The following OTUD7B variants were observed in gnomAD, a reference collection of about 807,000 sequenced individuals.
OTUD7B encodes OTU deubiquitinase 7B.
In OTUD7B, 34 loss-of-function variants were observed where a neutral mutation model predicts 82.2. That is an observed-to-expected ratio of 0.41 (90% CI 0.31 to 0.55). The LOEUF is 0.55. Ranked by LOEUF, OTUD7B falls within the 20% of genes least tolerant of loss-of-function variation. OTUD7B has a pLI of 0.20. For missense variants in OTUD7B, 944 were observed against 1,062.1 expected, an observed-to-expected ratio of 0.89 and a Z score of 1.55; for synonymous variants, 398 against 402.7, an observed-to-expected ratio of 0.99 and a Z score of 0.14.
At chr1:149,981,805 G>A (rs991369444) in intron 1 of OTUD7B, among the ~76,000 whole-genome samples, 23 of 152,236 alleles carry the variant, frequency 1.5e-4, no homozygotes, top group African/African-American at 5.1e-4. Context: ...AAGTAATGAC[G>A]CAGTCAAGAA....
chr1:150,038,979 CACT>C, the OTUD7B span, among the ~76,000 whole-genome samples: 1 of 152,030 alleles, frequency 6.6e-6, no homozygotes, highest in African/African-American at 2.4e-5. Context: ...ATTTCTTCCC[CACT>C]GATTTGAAAT....
In OTUD7B at chr1:149,944,080, C is replaced by T. The variant is rs1647474341; in HGVS notation, c.2309G>A (p.Arg770Gln). The T allele has an allele frequency of 1.2e-6, 2 of 1,614,004 alleles. No homozygotes were observed. The highest frequency in any genetic ancestry group is 1.3e-5 in the African/African-American group (1 of 74,916). The change falls in exon 12 of 12, where the codon CGA becomes CAA. Residue 770 changes from arginine (R) to glutamine (Q), a missense_variant. By Grantham distance (43) the Arg-to-Gln change is conservative. Around this residue, in one of 3 missense-constraint regions of OTUD7B, gnomAD observed 412 missense variants for 418.7 expected, o/e 0.98. Coordinates refer to ENST00000581312, the MANE Select transcript of OTUD7B (RefSeq NM_020205.4). The stretch of plus-strand genomic sequence containing the variant: ...GCCATTGCTATAGGAATCAGCCACT[C>T]GGTAGGGGGGTGGTAACAAGGCACC... ...HRGALLPPPY[R>Q]VADSYSNGYR...
Position 149,944,223 on chromosome 1 carries a change from C to T in OTUD7B, c.2166G>A (p.Gly722=). ...GGAAGGTGGCATATGGTGGTAGGCC[C>T]CCGACACATGGACCCCCTGCCAACT... ...RRQLAGGPCV[G]GLPPYATFPR... is the part of the protein sequence containing the mutation. The change falls in exon 12 of 12, where the codon GGG becomes GGA. Residue 722 remains glycine (G), a synonymous_variant. Transcript: ENST00000581312. 1 of 1,613,134 alleles carries T rather than the reference C, an allele frequency of 6.2e-7. No homozygotes were observed. The highest frequency in any genetic ancestry group is 2.2e-5 in the East Asian group (1 of 44,878).
intron 1 of OTUD7B, among the ~76,000 whole-genome samples, chr1:149,978,335 T>C (rs1559850958): frequency 6.6e-6 from 1 of 152,062 alleles, no homozygotes; most frequent in Admixed American, 6.6e-5. Context: ...GGCGAAACCC[T>C]GTTTCTACTA....
Position 149,996,551 on chromosome 1 carries a change from G to A in OTUD7B, c.-67+13897C>T, listed in dbSNP as rs1651938600. Among the ~76,000 whole-genome samples the A allele has an allele frequency of 2.0e-5, 3 of 152,104 alleles. No individual in the cohort carries two copies. In the South Asian group the frequency reaches 6.2e-4, roughly 32 times the overall value. ...TTACTTTCTTGATTTGTGACCTTGG[G>A]TAAATTATTTAACGTCTCTATTGCT... On this transcript the variant is annotated intron_variant, in intron 1 of 11. Transcript: ENST00000581312.
the OTUD7B span, among the ~76,000 whole-genome samples, chr1:150,041,047 G>C: frequency 6.6e-6 from 1 of 151,320 alleles, no homozygotes; most frequent in Non-Finnish European, 1.5e-5. Flanking sequence ...TTGTTTCATC[G>C]TAGTTAAAAA....
intron 11 of OTUD7B, among the ~76,000 whole-genome samples, chr1:149,946,122 T>A (rs1022688250): frequency 4.6e-5 from 7 of 151,108 alleles, no homozygotes; most frequent in Non-Finnish European, 4.4e-5. Context: ...CTCACGCCTG[T>A]AATCCCAGCA....
intron 1 of OTUD7B, among the ~76,000 whole-genome samples, chr1:150,003,208 C>G (rs1445735775): frequency 6.6e-5 from 10 of 150,480 alleles, no homozygotes; most frequent in Non-Finnish European, 1.5e-4. Context: ...TGAGATTGTG[C>G]CACTGCACTC....
intron 3 of OTUD7B, 53 bp downstream of exon 3, chr1:149,971,010 C>A: frequency 7.1e-7 from 1 of 1,410,514 alleles, no homozygotes; most frequent in Non-Finnish European, 9.6e-7. Context: ...CTCCATTTAA[C>A]AATCCCCTCC....
At chr1:149,947,399 G>T (rs1288328628) in intron 10 of OTUD7B, 64 bp from the exon 11 acceptor site, 2 of 989,374 alleles carry the variant, frequency 2.0e-6, no homozygotes, top group East Asian at 2.5e-5. Context: ...TGATATAGTT[G>T]GGAGAAAGGG....
rs782711169 is a variant in OTUD7B, at chr1:149,967,284, A to G, written c.502+10T>C. ...GAGGGAAGAGTGTGGGAGAGGAAGC[A>G]CTCACTGACCTGCCTGTTCCAAGGC... On this transcript the variant is annotated intron_variant, in intron 4 of 11. Transcript: ENST00000581312. The G allele has an allele frequency of 1.9e-6, 3 of 1,593,474 alleles. No individual in the cohort carries two copies. The African/African-American group carries it at 4.0e-5, about 21-fold the overall frequency.
chr1:149,990,521 T>C (rs1378217097), intron 1 of OTUD7B, among the ~76,000 whole-genome samples: 7 of 152,234 alleles, frequency 4.6e-5, no homozygotes, highest in African/African-American at 1.7e-4. Context: ...AATAGGTCTA[T>C]ATGAATAAAT....
chr1:149,990,990 G>GC (rs1553781980), intron 1 of OTUD7B, among the ~76,000 whole-genome samples: 2 of 5,946 alleles, frequency 3.4e-4, no homozygotes, highest in Admixed American at 3.1e-3. Context: ...AAACTCCGTC[G>GC]CAAAAAAAAA....
the OTUD7B span, among the ~76,000 whole-genome samples, chr1:150,062,570 T>C: frequency 6.6e-6 from 1 of 152,212 alleles, no homozygotes; most frequent in East Asian, 1.9e-4. Context: ...TTCTATTTTA[T>C]ATATCAGAGC....
chr1:149,987,989 C>G (rs763354064), intron 1 of OTUD7B, among the ~76,000 whole-genome samples: 5 of 152,148 alleles, frequency 3.3e-5, no homozygotes, highest in African/African-American at 4.8e-5. Flanking sequence ...CTACCTCCCC[C>G]ACCTGTACCT....
At position 149,964,044 on chromosome 1, in the gene OTUD7B, AC is replaced by A. The variant is rs1649344975; in HGVS notation, c.732+177del. On this transcript the variant is annotated intron_variant, in intron 6 of 11. Coordinates refer to ENST00000581312, the MANE Select transcript of OTUD7B (RefSeq NM_020205.4). ...CTCATGCCCACCACCAGTTCTCATG[AC>A]CACATCAGAAGGCATTTACCCCATT... 3.1e-6 allele frequency: 2 copies of A among 637,056 alleles called. 1 individual carries two copies. The highest frequency in any genetic ancestry group is 8.9e-4 in the Middle Eastern group (2 of 2,242). The allele number at this position is 637,056 out of a possible 1,614,324, so 39.5% of individuals were successfully genotyped here.
chr1:149,977,500 T>C lies in OTUD7B; in HGVS notation c.11A>G (p.Asp4Gly), dbSNP rs1181799229. The change falls in exon 2 of 12, where the codon GAC (aspartate) becomes GGC (glycine). Residue 4 changes from aspartate (D) to glycine (G), a missense_variant. By Grantham distance (94) the Asp-to-Gly change is moderately conservative. This residue lies in a region of OTUD7B where 530 missense variants were observed against 625.6 expected (regional missense o/e 0.85). Transcript: ENST00000581312. Reference protein sequence around the residue: MTLDMDAVLSDFVR... With the variant: MTLGMDAVLSDFVR... ...AAAATCTGACAGAACAGCATCCATG[T>C]CCAGGGTCATGTGATCCTCAAGTAC... 6.2e-7 allele frequency: 1 copy of C among 1,613,904 alleles called. No homozygotes were observed. Among genetic ancestry groups the C allele is most frequent in the Non-Finnish European group, 8.5e-7 (1 of 1,179,886 alleles).
At chr1:150,028,094 C>CATCT in the OTUD7B span, among the ~76,000 whole-genome samples, 1 of 152,140 alleles carries the variant, frequency 6.6e-6, no homozygotes, top group Non-Finnish European at 1.5e-5. Flanking sequence ...TTCACTAGAT[C>CATCT]ATCTGTACAT....
chr1:149,979,945 A>T (rs955817234), intron 1 of OTUD7B, among the ~76,000 whole-genome samples: 1 of 152,212 alleles, frequency 6.6e-6, no homozygotes, highest in East Asian at 1.9e-4. Context: ...AAAGCAACGC[A>T]ACTGTAAAGC....
Sources: allele counts gnomAD v4.1 joint callset (sites outside exome capture counted in the v4.1 genomes callset), GRCh38; gene constraint gnomAD v4.1.1; regional missense constraint gnomAD v4.1.1; transcripts MANE v1.5; gene names NCBI Gene and HGNC (gene_info 2026-07-23, HGNC 2026-07-21).